The following NFIA variants were observed in gnomAD, a reference collection of about 807,000 sequenced individuals.
The protein encoded by NFIA is nuclear factor I A.
Under a neutral mutation model 62.8 loss-of-function variants are expected in NFIA, and 8 were observed. The ratio of observed to expected loss-of-function variants is 0.13; its 90% CI spans 0.07 to 0.23. NFIA has a LOEUF of 0.23. Among genes scored for constraint, NFIA ranks in the 10% least tolerant of loss-of-function variants. NFIA has a pLI of 1.00. For synonymous variants in NFIA, 235 were observed against 238.1 expected (o/e 0.99, Z 0.12); for missense variants, 410 against 642.1 (o/e 0.64, Z 3.91).
chr1:61,320,115 T>C (rs1660604527), intron 3 of NFIA, among the ~76,000 whole-genome samples: 1 of 152,116 alleles, frequency 6.6e-6, no homozygotes, highest in Non-Finnish European at 1.5e-5. Flanking sequence ...TACTTCTTTT[T>C]TTTTTTTAAA....
intron 4 of NFIA, among the ~76,000 whole-genome samples, chr1:61,351,367 A>T (rs1285192131): frequency 6.6e-6 from 1 of 152,232 alleles, no homozygotes; most frequent in African/African-American, 2.4e-5. Context: ...TTGGATGTAC[A>T]AATGTCCCTG....
chr1:61,359,091 T>C (rs1663140641), intron 5 of NFIA, 56 bp from the exon 6 acceptor site: 1 of 1,597,550 alleles, frequency 6.3e-7, no homozygotes, highest in Non-Finnish European at 8.5e-7. Context: ...AGGTGCAGTG[T>C]CCAAGAGAAA....
At chr1:61,109,021 G>A (rs762539797) in intron 2 of NFIA, among the ~76,000 whole-genome samples, 1 of 151,826 alleles carries the variant, frequency 6.6e-6, no homozygotes, top group Non-Finnish European at 1.5e-5. Flanking sequence ...TTGATACTGT[G>A]TTGTGTGGCT....
At chr1:61,110,862 T>C (rs1470260002) in intron 2 of NFIA, among the ~76,000 whole-genome samples, 1 of 152,110 alleles carries the variant, frequency 6.6e-6, no homozygotes, top group Non-Finnish European at 1.5e-5. Flanking sequence ...ATATTAGGGA[T>C]TGTCACTTTA....
At chr1:61,142,306 A>G (rs1030917295) in intron 2 of NFIA, among the ~76,000 whole-genome samples, 3 of 152,236 alleles carry the variant, frequency 2.0e-5, no homozygotes, top group Non-Finnish European at 4.4e-5. Flanking sequence ...CAAGGGCTGT[A>G]AAGTTAAAAA....
upstream of NFIA, chr1:61,082,367 A>G: frequency 2.0e-6 from 1 of 510,792 alleles, no homozygotes; most frequent in East Asian, 1.6e-4. Flanking sequence ...CCTCCCCCAC[A>G]CCCCCTCCCC....
At chr1:61,363,516 A>G (rs1454198553) in intron 6 of NFIA, among the ~76,000 whole-genome samples, 1 of 151,966 alleles carries the variant, frequency 6.6e-6, no homozygotes, top group Admixed American at 6.6e-5. Flanking sequence ...AGGCAGGAGA[A>G]TTGGTTGAAC....
intron 2 of NFIA, among the ~76,000 whole-genome samples, chr1:61,206,126 G>A (rs938658691): frequency 6.6e-6 from 1 of 151,494 alleles, no homozygotes; most frequent in Non-Finnish European, 1.5e-5. Flanking sequence ...TCCCTTTATT[G>A]CTCAGGCTTA....
rs1665830643 is a variant in NFIA at position 61,406,543 on chromosome 1, G to GTCCCCCCCCC, written c.1255-19_1255-18insTCCCCCCCCC. On this transcript the variant is annotated intron_variant, in intron 8 of 10. Coordinates refer to ENST00000403491, the MANE Select transcript of NFIA (RefSeq NM_001134673.4). ...TCTTTTTCTTGTACGTGTGTTTTCT[G>GTCCCCCCCCC]CCCCCCCCCCCCCCACAGCCCAATG... is the stretch of plus-strand genomic sequence containing the variant. The GTCCCCCCCCC allele has an allele frequency of 3.4e-6, 3 of 877,368 alleles. No individual in the cohort carries two copies. Among genetic ancestry groups the GTCCCCCCCCC allele is most frequent in the South Asian group, 2.0e-5 (1 of 49,228 alleles). 54.3% of individuals were successfully genotyped at this position (877,368 alleles called of 1,614,324 possible). A position where few individuals can be genotyped will look rare whatever the true frequency, so the allele number is the denominator to read the frequency against.
At chr1:61,231,823 C>G (rs190154692) in intron 2 of NFIA, among the ~76,000 whole-genome samples, 49 of 151,658 alleles carry the variant, frequency 3.2e-4, no homozygotes, top group Middle Eastern at 6.8e-3. Flanking sequence ...CTGGGTAACA[C>G]AGAGAGACCA....
chr1:61,315,032 A>C (rs1207780194), intron 3 of NFIA, among the ~76,000 whole-genome samples: 2 of 149,768 alleles, frequency 1.3e-5, no homozygotes, highest in African/African-American at 5.0e-5. Flanking sequence ...TAATTAAAGC[A>C]CCTGAAACAA....
intron 1 of NFIA, among the ~76,000 whole-genome samples, chr1:61,087,676 T>C (rs1646242667): frequency 6.6e-6 from 1 of 152,228 alleles, no homozygotes; most frequent in Non-Finnish European, 1.5e-5. Context: ...GCTCCTAGAC[T>C]TCCATAAACA....
chr1:61,428,699 TAAAA>T (rs1245764470), intron 10 of NFIA, among the ~76,000 whole-genome samples: 1 of 152,100 alleles, frequency 6.6e-6, no homozygotes, highest in African/African-American at 2.4e-5. Context: ...TAATATACCT[TAAAA>T]AATAAGTTCC....
intron 2 of NFIA, among the ~76,000 whole-genome samples, chr1:61,204,288 G>A (rs957916869): frequency 6.6e-6 from 1 of 152,176 alleles, no homozygotes; most frequent in African/African-American, 2.4e-5. Flanking sequence ...GTGAACTTGA[G>A]CCAGTTAGCT....
intron 9 of NFIA, 46 bp from the exon 10 acceptor site, chr1:61,426,419 C>T (rs1472021092): frequency 7.8e-7 from 1 of 1,286,536 alleles, no homozygotes; most frequent in Non-Finnish European, 1.1e-6. Flanking sequence ...TTTGTGTGTG[C>T]AATCTCGTGC....
At chr1:61,117,128 T>C (rs767644824) in intron 2 of NFIA, among the ~76,000 whole-genome samples, 1 of 152,202 alleles carries the variant, frequency 6.6e-6, no homozygotes, top group African/African-American at 2.4e-5. Flanking sequence ...AATTTCACCC[T>C]CTCCAGCATG....
intron 3 of NFIA, among the ~76,000 whole-genome samples, chr1:61,327,139 C>T (rs534422124): frequency 3.6e-3 from 539 of 148,678 alleles, no homozygotes; most frequent in Non-Finnish European, 6.2e-3. Flanking sequence ...AATAGTTTCC[C>T]AGTGCAGATC....
intron 9 of NFIA, 85 bp from the exon 10 acceptor site, chr1:61,426,380 C>G: frequency 1.1e-6 from 1 of 895,460 alleles, no homozygotes; most frequent in East Asian, 2.6e-5. Context: ...TCAGCTGCGT[C>G]GGCTCGGAGA....
chr1:61,393,377 C>T (rs1459132144), intron 7 of NFIA, among the ~76,000 whole-genome samples: 3 of 119,374 alleles, frequency 2.5e-5, no homozygotes. Flanking sequence ...GAGCTTTGTG[C>T]TTAGGCTAAA....
Sources: allele counts gnomAD v4.1 joint callset (sites outside exome capture counted in the v4.1 genomes callset), GRCh38; gene constraint gnomAD v4.1.1; transcripts MANE v1.5; gene names NCBI Gene and HGNC (gene_info 2026-07-23, HGNC 2026-07-21).